The following PHF20 variants were observed in gnomAD, a reference collection of about 807,000 sequenced individuals.
PHF20 encodes the protein glioma-expressed antigen 2.
In PHF20, 23 loss-of-function variants were observed where a neutral mutation model predicts 113.5. That is an observed-to-expected ratio of 0.20 (90% confidence interval 0.15 to 0.29). The LOEUF (loss-of-function observed/expected upper bound fraction) is 0.29. PHF20 is among the 10% of genes least tolerant of loss of function. The pLI is 1.00. For missense variants in PHF20, 943 were observed against 1,219.6 expected (o/e 0.77, Z 3.38); for synonymous variants, 434 against 457.3 (o/e 0.95, Z 0.65).
intron 9 of PHF20, among the ~76,000 whole-genome samples, chr20:35,882,406 A>G (rs1208712057): frequency 1.3e-5 from 2 of 152,112 alleles, no homozygotes; most frequent in African/African-American, 2.4e-5. Flanking sequence ...CAGTAATGTG[A>G]TGGGTAATAT....
At chr20:35,830,069 A>G (rs576893953) in intron 2 of PHF20, among the ~76,000 whole-genome samples, 1 of 152,162 alleles carries the variant, frequency 6.6e-6, no homozygotes, top group African/African-American at 2.4e-5. Flanking sequence ...GCATGCCGCC[A>G]TGCCTGGCTA....
intron 1 of PHF20, among the ~76,000 whole-genome samples, chr20:35,773,824 C>T (rs757770227): frequency 5.3e-5 from 8 of 152,130 alleles, no homozygotes; most frequent in Admixed American, 3.3e-4. Context: ...TTCTAGAAGA[C>T]CTAAGATTCT....
chr20:35,878,802 C>T (rs1396361028), intron 9 of PHF20: 3 of 640,274 alleles, frequency 4.7e-6, no homozygotes, highest in African/African-American at 1.9e-5. Flanking sequence ...ATTGAAGTTA[C>T]GTATTATTGT....
chr20:35,829,612 G>T (rs963904738), intron 2 of PHF20, among the ~76,000 whole-genome samples: 9 of 146,350 alleles, frequency 6.1e-5, no homozygotes, highest in Non-Finnish European at 1.3e-4. Flanking sequence ...CTCCCAAAGT[G>T]CTGGGATTAC....
At chr20:35,844,957 G>A (rs2146941352) in intron 3 of PHF20, among the ~76,000 whole-genome samples, 1 of 152,196 alleles carries the variant, frequency 6.6e-6, no homozygotes, top group East Asian at 1.9e-4. Flanking sequence ...GATAGCCACT[G>A]CCATATGATA....
chr20:35,865,240 G>A (rs1325383025), intron 6 of PHF20, among the ~76,000 whole-genome samples: 1 of 151,922 alleles, frequency 6.6e-6, no homozygotes, highest in Admixed American at 6.6e-5. Flanking sequence ...CCTCATCCCT[G>A]TAATCATGCC....
chr20:35,788,200 C>T (rs938345217), intron 1 of PHF20, among the ~76,000 whole-genome samples: 5 of 149,280 alleles, frequency 3.3e-5, no homozygotes, highest in Non-Finnish European at 6.0e-5. Flanking sequence ...AGGTTCATGC[C>T]ATTCTCCTGC....
intron 9 of PHF20, among the ~76,000 whole-genome samples, chr20:35,882,469 C>G (rs780326682): frequency 5.3e-5 from 8 of 152,182 alleles, no homozygotes; most frequent in Non-Finnish European, 1.0e-4. Flanking sequence ...GCTCTGTCAT[C>G]CAGGCTGGAG....
chr20:35,901,020 TTCTGTTTCCTGA>T (rs2055085234), intron 10 of PHF20, among the ~76,000 whole-genome samples: 1 of 152,184 alleles, frequency 6.6e-6, no homozygotes, highest in Admixed American at 6.5e-5. Flanking sequence ...CTCCGAAATG[TTCTGTTTCCTGA>T]TCTGCATGGT....
At chr20:35,774,855 A>T (rs1189752664) in intron 1 of PHF20, 2 of 152,206 alleles carry the variant, frequency 1.3e-5, no homozygotes, top group Non-Finnish European at 2.9e-5. Context: ...CTTGAATAAA[A>T]TTAACCATTG....
intron 15 of PHF20, among the ~76,000 whole-genome samples, chr20:35,934,567 C>T (rs2055827423): frequency 6.6e-6 from 1 of 152,264 alleles, no homozygotes; most frequent in Non-Finnish European, 1.5e-5. Context: ...GGATACCCCC[C>T]ATTTGCATGG....
intron 9 of PHF20, among the ~76,000 whole-genome samples, chr20:35,897,605 C>T (rs1038756920): frequency 9.8e-5 from 13 of 132,706 alleles, no homozygotes; most frequent in South Asian, 7.7e-4. Context: ...CTTGCTCTGT[C>T]GCCCAGGCTC....
chr20:35,916,879 A>C (rs1184766236), intron 12 of PHF20, among the ~76,000 whole-genome samples: 3 of 152,132 alleles, frequency 2.0e-5, no homozygotes, highest in African/African-American at 7.2e-5. Flanking sequence ...CTCCTGCCTC[A>C]GCCTCCTCAG....
intron 1 of PHF20, among the ~76,000 whole-genome samples, chr20:35,795,889 C>T (rs1019620746): frequency 4.6e-5 from 7 of 151,908 alleles, no homozygotes; most frequent in African/African-American, 7.3e-5. Flanking sequence ...CTCACTCTGT[C>T]GCCCAGGCTG....
intron 2 of PHF20, among the ~76,000 whole-genome samples, chr20:35,832,009 A>G (rs1026737586): frequency 1.3e-5 from 2 of 152,178 alleles, no homozygotes; most frequent in East Asian, 1.9e-4. Flanking sequence ...CAGCCCATCC[A>G]TAAGATCCTC....
Position 35,913,363 on chromosome 20 carries a change from G to T in PHF20, c.1660+16G>T, listed in dbSNP as rs1380638671. 5 of 1,550,956 alleles carry T rather than the reference G, an allele frequency of 3.2e-6. No individual in the cohort carries two copies. In the African/African-American group the frequency reaches 6.9e-5, roughly 21 times the overall value. ...ACCAAACCTGGTAATTTTTTTTCCTGAGGGTTTCACTTAGGTTTCCTTACT... is the reference window on the plus strand; with the variant it reads ...ACCAAACCTGGTAATTTTTTTTCCTTAGGGTTTCACTTAGGTTTCCTTACT... On this transcript the variant is annotated intron_variant, in intron 11 of 17. Coordinates refer to ENST00000374012, the MANE Select transcript of PHF20 (RefSeq NM_016436.5).
chr20:35,931,919 C>T (rs2055762990), intron 15 of PHF20, among the ~76,000 whole-genome samples: 1 of 151,506 alleles, frequency 6.6e-6, no homozygotes, highest in Non-Finnish European at 1.5e-5. Flanking sequence ...CCATTGCACT[C>T]CAGCCTGGGC....
chr20:35,792,067 A>G, intron 1 of PHF20, among the ~76,000 whole-genome samples: 1 of 152,168 alleles, frequency 6.6e-6, no homozygotes, highest in East Asian at 1.9e-4. Flanking sequence ...GGAATGAGTA[A>G]ACTCAACTCA....
chr20:35,833,738 T>C (rs2042391876), intron 2 of PHF20, among the ~76,000 whole-genome samples: 1 of 151,966 alleles, frequency 6.6e-6, no homozygotes. Flanking sequence ...AAAAGTTTAA[T>C]GTGGGCTTTA....
Sources: allele counts gnomAD v4.1 joint callset (sites outside exome capture counted in the v4.1 genomes callset), GRCh38; gene constraint gnomAD v4.1.1; transcripts MANE v1.5; gene names NCBI Gene and HGNC (gene_info 2026-07-23, HGNC 2026-07-21).